OR5V1: variants seen among roughly 807,000 people sequenced by gnomAD.
OR5V1 encodes the protein olfactory receptor 5V1.
For missense variants in OR5V1, 365 were observed against 371.5 expected (o/e 0.98, Z 0.14); for synonymous variants, 134 against 143.2 (o/e 0.94, Z 0.46).
chr6:29,365,330 GAA>G (rs796868987), intron 1 of OR5V1, among the ~76,000 whole-genome samples: 2,691 of 116,630 alleles, frequency 0.023, 33 homozygotes, highest in East Asian at 0.04. Flanking sequence ...CTTCTGCATA[GAA>G]AAAAAAAAAA....
At chr6:29,358,174 T>C (rs1778404553) in intron 1 of OR5V1, among the ~76,000 whole-genome samples, 1 of 152,198 alleles carries the variant, frequency 6.6e-6, no homozygotes, top group African/African-American at 2.4e-5. Context: ...TCATTCCATC[T>C]ACAGAAGAAC....
At chr6:29,362,176 C>A (rs1471540423) in intron 1 of OR5V1, among the ~76,000 whole-genome samples, 1 of 151,824 alleles carries the variant, frequency 6.6e-6, no homozygotes, top group African/African-American at 2.4e-5. Context: ...CGACAGAGAT[C>A]AAAAAAGACA....
chr6:29,367,884 C>T (rs9257794), intron 1 of OR5V1, among the ~76,000 whole-genome samples: 32,879 of 151,922 alleles, frequency 0.22, 3,670 homozygotes, highest in East Asian at 0.3. Flanking sequence ...ACTAAAGAAC[C>T]GAAACTTGAT....
chr6:29,354,619 A>G lies in OR5V1; in HGVS notation c.*611T>C, dbSNP rs1307769891. 1.3e-5 allele frequency: 2 copies of G among 152,176 alleles called. No individual in the cohort carries two copies. The highest frequency in any genetic ancestry group is 2.4e-5 in the African/African-American group (1 of 41,458). 9.4% of individuals were successfully genotyped at this position (152,176 alleles called of 1,614,324 possible). On this transcript the variant is annotated 3_prime_UTR_variant, in exon 2 of 2. Transcript: ENST00000641768. ...GGAAATTCTGCCTTTTGAATAGAAT[A>G]AAGAATGCATGTCAAATGGGATTGA...
chr6:29,362,976 C>A (rs748327086), intron 1 of OR5V1, among the ~76,000 whole-genome samples: 1 of 151,928 alleles, frequency 6.6e-6, no homozygotes, highest in Non-Finnish European at 1.5e-5. Flanking sequence ...GATAGAGACA[C>A]GAAAAACCCT....
chr6:29,355,318 C>T lies in OR5V1; in HGVS notation c.878G>A (p.Arg293Lys). Residue 293 changes from arginine (R) to lysine (K), a missense_variant, in exon 2 of 2, where the codon AGG becomes AAG. Coordinates refer to ENST00000641768, the MANE Select transcript of OR5V1 (RefSeq NM_030876.6). Reference protein sequence around the residue: ...PMLNPIIYTLRNKDIKEAVKT... With the variant: ...PMLNPIIYTLKNKDIKEAVKT... Reference sequence around the variant, plus strand: ...GACAGCTTCTTTGATGTCCTTATTCCTCAATGTGTAAATTATAGGGTTTAG... The same window carrying T: ...GACAGCTTCTTTGATGTCCTTATTCTTCAATGTGTAAATTATAGGGTTTAG... 2 of 1,613,796 alleles carry T rather than the reference C, an allele frequency of 1.2e-6. No individual in the cohort carries two copies.
chr6:29,358,485 G>A (rs1456781071), intron 1 of OR5V1, among the ~76,000 whole-genome samples: 1 of 152,154 alleles, frequency 6.6e-6, no homozygotes, highest in Non-Finnish European at 1.5e-5. Context: ...ATTGAAATCA[G>A]TATCTCAAAG....
At chr6:29,363,535 A>G (rs1778687040) in intron 1 of OR5V1, among the ~76,000 whole-genome samples, 1 of 152,218 alleles carries the variant, frequency 6.6e-6, no homozygotes, top group Admixed American at 6.5e-5. Flanking sequence ...ATGAACCTCG[A>G]TGCAAAAATG....
Position 29,355,783 on chromosome 6 carries a change from T to C in OR5V1, c.413A>G (p.Lys138Arg). The C allele has an allele frequency of 1.9e-6, 3 of 1,614,040 alleles. No individual in the cohort carries two copies. The highest frequency in any genetic ancestry group is 1.3e-5 in the African/African-American group (1 of 75,040). Residue 138 changes from lysine to arginine, a missense_variant, in exon 2 of 2, where the codon AAG becomes AGG. Lys to Arg is a conservative substitution (Grantham distance 26). Transcript: ENST00000641768. ...GGCTGCTAATTGATTGCATAGAACC[T>C]TGCTCAGAATAACTGAATACCTTAA... is the stretch of plus-strand genomic sequence containing the variant. ...NPLRYSVILS[K>R]VLCNQLAASC... is the part of the protein sequence containing the mutation.
At chr6:29,363,010 G>C (rs893507571) in intron 1 of OR5V1, among the ~76,000 whole-genome samples, 3 of 152,168 alleles carry the variant, frequency 2.0e-5, no homozygotes, top group South Asian at 2.1e-4. Context: ...GAATGCAGGA[G>C]CTGGTTATTT....
chr6:29,368,216 T>C (rs556903016), intron 1 of OR5V1, among the ~76,000 whole-genome samples: 4 of 152,312 alleles, frequency 2.6e-5, no homozygotes, highest in Non-Finnish European at 5.9e-5. Flanking sequence ...CAATCAATAA[T>C]AGCTAGCATG....
Position 29,356,117 on chromosome 6 carries a change from G to A in OR5V1, c.79C>T (p.Leu27=). 6.2e-7 allele frequency: 1 copy of A among 1,613,018 alleles called. No individual in the cohort carries two copies. The highest frequency in any genetic ancestry group is 8.5e-7 in the Non-Finnish European group (1 of 1,179,640). The part of the protein sequence containing the change: ...FSNLNELQFL[L]FTIFFLTYFC... Reference sequence around the variant, plus strand: ...TAAGTCAGAAAGAAGATGGTGAATAGTAAAAACTGCAATTCATTTAGGTTG... The same window carrying A: ...TAAGTCAGAAAGAAGATGGTGAATAATAAAAACTGCAATTCATTTAGGTTG... The change falls in exon 2 of 2, where the codon CTA becomes TTA. Residue 27 remains leucine (L), a synonymous_variant. Transcript: ENST00000641768.
In OR5V1 at chr6:29,353,982, A is replaced by C. The variant is rs1778132717; in HGVS notation, c.*1248T>G. ...AGAAATGATGTGCAGGGTACATTAA[A>C]CAGAATAGGAATGGAGACAAGGCAC... On this transcript the variant is annotated 3_prime_UTR_variant, in exon 2 of 2. Coordinates refer to ENST00000641768, the MANE Select transcript of OR5V1 (RefSeq NM_030876.6). The C allele has an allele frequency of 6.6e-6, 1 of 152,098 alleles. No homozygotes were observed. Among genetic ancestry groups the C allele is most frequent in the African/African-American group, 2.4e-5 (1 of 41,428 alleles). The allele number at this position is 152,098 out of a possible 1,614,324, so 9.4% of individuals were successfully genotyped here.
intron 1 of OR5V1, among the ~76,000 whole-genome samples, chr6:29,358,623 TA>T (rs1778425096): frequency 6.6e-6 from 1 of 152,130 alleles, no homozygotes; most frequent in African/African-American, 2.4e-5. Context: ...ATGCAGCCTT[TA>T]AAAAAAGAAA....
At chr6:29,363,520 C>T (rs1366815022) in intron 1 of OR5V1, among the ~76,000 whole-genome samples, 1 of 152,180 alleles carries the variant, frequency 6.6e-6, no homozygotes, top group East Asian at 1.9e-4. Context: ...AGTCCAATAT[C>T]CCTAATGAAC....
intron 1 of OR5V1, among the ~76,000 whole-genome samples, chr6:29,364,516 G>GA (rs1562933547): frequency 1.0e-4 from 9 of 86,946 alleles, no homozygotes; most frequent in African/African-American, 3.0e-4. Flanking sequence ...GAACAAAGCT[G>GA]GGCCGGGCGC....
intron 1 of OR5V1, among the ~76,000 whole-genome samples, chr6:29,358,056 C>T (rs1461846941): frequency 6.6e-6 from 1 of 152,060 alleles, no homozygotes; most frequent in Non-Finnish European, 1.5e-5. Context: ...CTTCTTTCCT[C>T]GTGAACTACT....
intron 1 of OR5V1, among the ~76,000 whole-genome samples, chr6:29,366,901 G>A (rs1778882474): frequency 6.6e-6 from 1 of 152,138 alleles, no homozygotes; most frequent in African/African-American, 2.4e-5. Context: ...ATTAAGAGAA[G>A]GAATTACTTT....
At chr6:29,360,598 C>T (rs1028488412) in intron 1 of OR5V1, among the ~76,000 whole-genome samples, 8 of 152,128 alleles carry the variant, frequency 5.3e-5, no homozygotes, top group African/African-American at 1.4e-4. Flanking sequence ...TAATAGTTGC[C>T]GTTCTGCAGC....
Sources: gnomAD v4.1 joint callset for allele counts (sites outside exome capture counted in the v4.1 genomes callset) on GRCh38, gnomAD v4.1.1 for gene constraint, MANE v1.5 for transcripts, NCBI Gene and HGNC (gene_info 2026-07-23, HGNC 2026-07-21) for gene names.